Variants in RC3H2 observed in about 807,000 individuals in gnomAD.
RC3H2 encodes the protein ring finger and CCCH-type domains 2, also known as roquin-2.
RC3H2 carries 31 observed loss-of-function variants against 133.3 expected under a neutral mutation model. The ratio of observed to expected loss-of-function variants is 0.23; its 90% CI spans 0.17 to 0.31. The LOEUF (loss-of-function observed/expected upper bound fraction) is 0.31, where lower values mean the gene tolerates loss of function less well. RC3H2 is among the 10% of genes least tolerant of loss of function. RC3H2 has a pLI of 1.00. For missense variants in RC3H2, 1,175 were observed against 1,437.2 expected, an observed-to-expected ratio of 0.82 and a Z score of 2.95; for synonymous variants, 517 against 502.2, an observed-to-expected ratio of 1.03 and a Z score of -0.40.
Position 122,858,974 on chromosome 9 carries a change from T to C in RC3H2, c.1978A>G (p.Thr660Ala). Residue 660 changes from threonine (T) to alanine (A), a missense_variant, in exon 12 of 21, where the codon ACA (threonine) becomes GCA (alanine). By Grantham distance (58) the Thr-to-Ala change is moderately conservative. Around this residue, in one of 8 missense-constraint regions of RC3H2, gnomAD observed 490 missense variants for 492.8 expected, o/e 0.99. Coordinates refer to ENST00000357244, the MANE Select transcript of RC3H2 (RefSeq NM_001100588.3). Reference sequence around the variant, plus strand: ...TTCATTCGATCTCGAGGGGAAAATGTACTGTAATGATCGGCATATGGCATG... The same window carrying C: ...TTCATTCGATCTCGAGGGGAAAATGCACTGTAATGATCGGCATATGGCATG... ...ASMPYADHYS[T>A]FSPRDRMNSS... 2 of 1,614,124 alleles carry C rather than the reference T, an allele frequency of 1.2e-6. No individual in the cohort carries two copies. The highest frequency in any genetic ancestry group is 2.2e-5 in the South Asian group (2 of 91,074).
chr9:122,878,290 G>C (rs975569930), intron 8 of RC3H2, among the ~76,000 whole-genome samples: 1 of 151,714 alleles, frequency 6.6e-6, no homozygotes, highest in African/African-American at 2.4e-5. Flanking sequence ...TCTTTGAGAC[G>C]GAGTCTTGCT....
chr9:122,853,376 AAT>A (rs2131383163), intron 18 of RC3H2, among the ~76,000 whole-genome samples: 1 of 128,008 alleles, frequency 7.8e-6, no homozygotes, highest in African/African-American at 3.4e-5. Context: ...AAGAATGATC[AAT>A]AAAAAAAAAA....
At chr9:122,852,058 C>T (rs1330340747) in intron 18 of RC3H2, among the ~76,000 whole-genome samples, 1 of 151,760 alleles carries the variant, frequency 6.6e-6, no homozygotes. Flanking sequence ...TGAGGAGCGC[C>T]TCTTCCCGGC....
intron 4 of RC3H2, among the ~76,000 whole-genome samples, chr9:122,884,757 G>GCAGGAGAATCCCTTGAACC (rs1831824851): frequency 6.6e-6 from 1 of 151,824 alleles, no homozygotes; most frequent in Admixed American, 6.6e-5. Context: ...GAAGGCTGAG[G>GCAGGAGAATCCCTTGAACC]CAGGAGAATC....
intron 4 of RC3H2, among the ~76,000 whole-genome samples, chr9:122,887,417 C>G (rs1831963734): frequency 6.6e-6 from 1 of 152,058 alleles, no homozygotes; most frequent in Non-Finnish European, 1.5e-5. Flanking sequence ...CTCTGGGGGT[C>G]AACTGATCCT....
chr9:122,893,988 C>T (rs924731113), intron 2 of RC3H2, among the ~76,000 whole-genome samples: 4 of 152,116 alleles, frequency 2.6e-5, no homozygotes. Flanking sequence ...AGGCCAGGTG[C>T]GGTGGCTCAC....
Position 122,858,995 on chromosome 9 carries a change from G to A in RC3H2, c.1957C>T (p.Pro653Ser). 1 of 1,614,128 alleles carries A rather than the reference G, an allele frequency of 6.2e-7. No homozygotes were observed. Among genetic ancestry groups the A allele is most frequent in the Non-Finnish European group, 8.5e-7 (1 of 1,179,962 alleles). Residue 653 changes from proline to serine, a missense_variant, in exon 12 of 21, where the codon CCA becomes TCA. By Grantham distance (74) the Pro-to-Ser change is moderately conservative. This residue lies in a region of RC3H2 where 490 missense variants were observed against 492.8 expected (regional missense o/e 0.99). Transcript: ENST00000357244. ...PESSLPPASM[P>S]YADHYSTFSP... ...AATGTACTGTAATGATCGGCATATG[G>A]CATGGAAGCAGGTGGGAGGGAGGAC... is the stretch of plus-strand genomic sequence containing the variant.
chr9:122,897,879 T>A lies in RC3H2; in HGVS notation c.-67-303A>T, dbSNP rs144484957. On this transcript the variant is annotated intron_variant, in intron 1 of 20. Coordinates refer to ENST00000357244, the MANE Select transcript of RC3H2 (RefSeq NM_001100588.3). ...ACCACATCAAACAAGCAAATTAACTTTCCATATTCCATTTTTAGGAACACA... is the reference window on the plus strand; with the variant it reads ...ACCACATCAAACAAGCAAATTAACTATCCATATTCCATTTTTAGGAACACA... 12 of 164,128 alleles carry A rather than the reference T, an allele frequency of 7.3e-5. No individual in the cohort carries two copies. In the East Asian group the frequency reaches 2.1e-3, roughly 29 times the overall value. 10.2% of individuals were successfully genotyped at this position (164,128 alleles called of 1,614,324 possible). A position where few individuals can be genotyped will look rare whatever the true frequency, so the allele number is the denominator to read the frequency against.
chr9:122,896,312 T>A (rs1832417462), intron 2 of RC3H2, among the ~76,000 whole-genome samples: 1 of 152,104 alleles, frequency 6.6e-6, no homozygotes, highest in Non-Finnish European at 1.5e-5. Context: ...ATTGTTTCAT[T>A]TACACTATTA....
At chr9:122,873,822 A>G (rs1831213045) in intron 9 of RC3H2, 1 of 152,064 alleles carries the variant, frequency 6.6e-6, no homozygotes, top group South Asian at 2.1e-4. Flanking sequence ...TTATTTATTT[A>G]TATTTATTTT....
At chr9:122,862,827 G>A (rs1279983719) in intron 10 of RC3H2, among the ~76,000 whole-genome samples, 2 of 151,306 alleles carry the variant, frequency 1.3e-5, no homozygotes, top group African/African-American at 2.4e-5. Context: ...CCTGGCAGGT[G>A]GAGGTTGCAG....
chr9:122,853,239 C>G (rs976882954), intron 18 of RC3H2, among the ~76,000 whole-genome samples: 1 of 151,468 alleles, frequency 6.6e-6, no homozygotes, highest in Non-Finnish European at 1.5e-5. Flanking sequence ...GGGACACAAA[C>G]GCTGCGGAAG....
chr9:122,867,415 T>G (rs1344581744), intron 9 of RC3H2, among the ~76,000 whole-genome samples: 5 of 108,880 alleles, frequency 4.6e-5, no homozygotes, highest in Admixed American at 9.2e-5. Context: ...GGTTGGGGGG[T>G]CAGCACCCCG....
At chr9:122,850,455 G>T (rs1829979157) in intron 20 of RC3H2, among the ~76,000 whole-genome samples, 1 of 151,268 alleles carries the variant, frequency 6.6e-6, no homozygotes, top group Non-Finnish European at 1.5e-5. Flanking sequence ...TAGATAGATA[G>T]ATAATTTTGA....
chr9:122,877,676 T>C, intron 8 of RC3H2, 93 bp from the exon 9 acceptor site: 1 of 877,774 alleles, frequency 1.1e-6, no homozygotes, highest in Non-Finnish European at 1.8e-6. Flanking sequence ...ATTACACCTT[T>C]AATTCTTTTT....
At chr9:122,855,616 C>T in intron 14 of RC3H2, 116 bp downstream of exon 14, 1 of 1,189,048 alleles carries the variant, frequency 8.4e-7, no homozygotes, top group Non-Finnish European at 1.2e-6. Flanking sequence ...AACCCTGCTG[C>T]TACTGAGTTA....
At chr9:122,901,486 G>A (rs560745244) in intron 1 of RC3H2, among the ~76,000 whole-genome samples, 49 of 151,846 alleles carry the variant, frequency 3.2e-4, no homozygotes, top group Admixed American at 4.6e-4. Context: ...TGATTTTGCC[G>A]TTAACGTGTG....
At chr9:122,868,460 T>G (rs971019305) in intron 9 of RC3H2, among the ~76,000 whole-genome samples, 4 of 151,670 alleles carry the variant, frequency 2.6e-5, no homozygotes, top group African/African-American at 9.7e-5. Context: ...CTGTGCTCTC[T>G]GAAACATGTG....
At chr9:122,903,684 AAT>A (rs891320747) in intron 1 of RC3H2, among the ~76,000 whole-genome samples, 2 of 152,208 alleles carry the variant, frequency 1.3e-5, no homozygotes, top group African/African-American at 2.4e-5. Flanking sequence ...ACGTAACTAG[AAT>A]ATGTTTCACA....
Sources: gnomAD v4.1 joint callset for allele counts (sites outside exome capture counted in the v4.1 genomes callset) on GRCh38, gnomAD v4.1.1 for gene constraint, gnomAD v4.1.1 regional missense constraint, MANE v1.5 for transcripts, NCBI Gene and HGNC (gene_info 2026-07-23, HGNC 2026-07-21) for gene names.